SHISA9: variants seen among roughly 807,000 people sequenced by gnomAD.
The protein encoded by SHISA9 is shisa family member 9, also known as protein shisa-9.
SHISA9 carries 13 observed loss-of-function variants against 38.0 expected under a neutral mutation model. That is an observed-to-expected ratio of 0.34 (90% confidence interval 0.22 to 0.54). The LOEUF (loss-of-function observed/expected upper bound fraction) is 0.54. Ranked by LOEUF, SHISA9 falls within the 20% of genes least tolerant of loss-of-function variation. The pLI, the probability that SHISA9 is intolerant of heterozygous loss-of-function variation, is 0.91. For missense variants in SHISA9, 538 were observed against 575.8 expected, an observed-to-expected ratio of 0.93 and a Z score of 0.67; for synonymous variants, 275 against 242.0, an observed-to-expected ratio of 1.14 and a Z score of -1.27.
the SHISA9 span, among the ~76,000 whole-genome samples, chr16:13,491,000 A>G: frequency 6.6e-6 from 1 of 152,240 alleles, no homozygotes; most frequent in Non-Finnish European, 1.5e-5. Flanking sequence ...ATTGAAGTTC[A>G]GGTTCAACTA....
chr16:13,093,067 G>T (rs1257585836), intron 2 of SHISA9, among the ~76,000 whole-genome samples: 1 of 152,198 alleles, frequency 6.6e-6, no homozygotes, highest in East Asian at 1.9e-4. Flanking sequence ...ATCTGGTATG[G>T]AAAGGAATAT....
the SHISA9 span, among the ~76,000 whole-genome samples, chr16:13,407,112 C>T: frequency 6.9e-6 from 1 of 144,692 alleles, no homozygotes; most frequent in African/African-American, 2.6e-5. Flanking sequence ...ATGACTTGGG[C>T]TGCTCTAGTC....
chr16:12,914,279 C>T (rs962229412), intron 1 of SHISA9, among the ~76,000 whole-genome samples: 21 of 151,894 alleles, frequency 1.4e-4, no homozygotes, highest in Non-Finnish European at 2.2e-4. Context: ...CTCCTGACCT[C>T]GTGATCTGCC....
At chr16:13,221,924 C>T (rs185650514) in intron 4 of SHISA9, among the ~76,000 whole-genome samples, 5 of 152,226 alleles carry the variant, frequency 3.3e-5, no homozygotes, top group Admixed American at 6.5e-5. Context: ...TGTTTTCATG[C>T]TGCTGATAAA....
intron 2 of SHISA9, among the ~76,000 whole-genome samples, chr16:13,067,888 A>T (rs1490921745): frequency 2.0e-5 from 3 of 152,076 alleles, no homozygotes; most frequent in African/African-American, 7.2e-5. Context: ...ATTCCTCCTC[A>T]ACCTTCAGAT....
chr16:13,036,811 A>T (rs1307916860), intron 2 of SHISA9, among the ~76,000 whole-genome samples: 1 of 151,838 alleles, frequency 6.6e-6, no homozygotes, highest in Middle Eastern at 3.2e-3. Context: ...CCCAGTACTA[A>T]ATGAGGTAAA....
chr16:13,559,583 G>C, the SHISA9 span, among the ~76,000 whole-genome samples: 1 of 151,884 alleles, frequency 6.6e-6, no homozygotes, highest in South Asian at 2.1e-4. Flanking sequence ...GGGTCTCTCT[G>C]TGTTTCCCAG....
chr16:13,288,367 G>T, the SHISA9 span, among the ~76,000 whole-genome samples: 1 of 152,084 alleles, frequency 6.6e-6, no homozygotes, highest in African/African-American at 2.4e-5. Flanking sequence ...CTTCTTCCTG[G>T]CTCACAGAGG....
the SHISA9 span, among the ~76,000 whole-genome samples, chr16:13,444,423 GGA>G: frequency 1.3e-5 from 2 of 149,950 alleles, no homozygotes; most frequent in African/African-American, 4.9e-5. Context: ...GAGGGAGGAA[GGA>G]AGGAAGGAAG....
intron 2 of SHISA9, among the ~76,000 whole-genome samples, chr16:13,064,939 C>T (rs973200939): frequency 1.8e-4 from 27 of 152,280 alleles, no homozygotes; most frequent in African/African-American, 6.5e-4. Flanking sequence ...GACATTTGAG[C>T]TGAGACCTGA....
the SHISA9 span, among the ~76,000 whole-genome samples, chr16:13,467,288 G>A: frequency 0.018 from 2,745 of 152,266 alleles, 44 homozygotes; most frequent in South Asian, 0.041. Flanking sequence ...GGCAGAAGAA[G>A]GAGGATTCTC....
the SHISA9 span, among the ~76,000 whole-genome samples, chr16:13,352,853 A>G: frequency 6.6e-6 from 1 of 151,914 alleles, no homozygotes; most frequent in African/African-American, 2.4e-5. Context: ...AAGGACTTTC[A>G]CAAGGTAATG....
At chr16:13,395,460 C>T in the SHISA9 span, among the ~76,000 whole-genome samples, 19 of 152,370 alleles carry the variant, frequency 1.2e-4, 1 homozygote, top group Admixed American at 1.0e-3. Flanking sequence ...GGTTTCCTTT[C>T]TGCAAAGTCC....
At chr16:13,531,980 A>C in the SHISA9 span, among the ~76,000 whole-genome samples, 1 of 152,152 alleles carries the variant, frequency 6.6e-6, no homozygotes, top group Non-Finnish European at 1.5e-5. Context: ...ACTTAAGGAG[A>C]TTGAATGCCA....
chr16:13,105,870 G>A lies in SHISA9; in HGVS notation c.692-97524G>A, dbSNP rs116007287. Among the ~76,000 whole-genome samples, 690 of 152,190 alleles carry A rather than the reference G, an allele frequency of 4.5e-3. 2 individuals are homozygous for A. The highest frequency in any genetic ancestry group is 0.016 in the African/African-American group (670 of 41,520). ...CATTGAGCATGTTGAAGTTGAGAGC[G>A]CCCTTTCAGATGATTTATTGGCACT... On this transcript the variant is annotated intron_variant, in intron 2 of 4. Transcript: ENST00000558583.
chr16:13,488,491 C>T, the SHISA9 span, among the ~76,000 whole-genome samples: 2 of 152,076 alleles, frequency 1.3e-5, no homozygotes, highest in Admixed American at 1.3e-4. Context: ...TACAATATTC[C>T]CATAAGATTA....
the SHISA9 span, among the ~76,000 whole-genome samples, chr16:13,328,000 C>A: frequency 1.3e-5 from 2 of 152,246 alleles, no homozygotes; most frequent in African/African-American, 4.8e-5. Flanking sequence ...AATCTTTCAT[C>A]GTACTCATAA....
chr16:13,306,529 C>A, the SHISA9 span, among the ~76,000 whole-genome samples: 1 of 152,072 alleles, frequency 6.6e-6, no homozygotes, highest in African/African-American at 2.4e-5. Flanking sequence ...CTGAGAATGG[C>A]TTAACTGCTC....
At chr16:13,202,703 A>T (rs955980383) in intron 2 of SHISA9, among the ~76,000 whole-genome samples, 1 of 152,186 alleles carries the variant, frequency 6.6e-6, no homozygotes, top group Admixed American at 6.5e-5. Flanking sequence ...AATTCATTTA[A>T]GAATTCCCAT....
Sources: gnomAD v4.1 joint callset for allele counts (sites outside exome capture counted in the v4.1 genomes callset) on GRCh38, gnomAD v4.1.1 for gene constraint, MANE v1.5 for transcripts, NCBI Gene and HGNC (gene_info 2026-07-23, HGNC 2026-07-21) for gene names.